PAPOLG: variants seen among roughly 807,000 people sequenced by gnomAD.
PAPOLG encodes the protein poly(A) polymerase gamma.
Under a neutral mutation model 99.0 loss-of-function variants are expected in PAPOLG, and 40 were observed. The observed-to-expected ratio is 0.40, with a 90% confidence interval of 0.31 to 0.53. The LOEUF (loss-of-function observed/expected upper bound fraction) is 0.53, where lower values mean the gene tolerates loss of function less well. PAPOLG is among the 20% of genes least tolerant of loss of function. The probability of loss-of-function intolerance (pLI) is 0.41; values close to 1 mark genes in which losing one functional copy is unlikely to be tolerated. For missense variants in PAPOLG, 675 were observed against 884.1 expected, an observed-to-expected ratio of 0.76 and a Z score of 3.00; for synonymous variants, 310 against 299.3, an observed-to-expected ratio of 1.04 and a Z score of -0.37.
At position 60,798,464 on chromosome 2, in the gene PAPOLG, AC is replaced by A. The variant is rs924084167; in HGVS notation, c.*1306del. 6.5e-6 allele frequency: 1 copy of A among 152,684 alleles called. No homozygotes were observed. The highest frequency in any genetic ancestry group is 2.4e-5 in the African/African-American group (1 of 41,394). The allele number at this position is 152,684 out of a possible 1,614,324, so 9.5% of individuals were successfully genotyped here. A position where few individuals can be genotyped will look rare whatever the true frequency, so the allele number is the denominator to read the frequency against. ...ATCTTTTCAAAGAGAAACGTTTAAA[AC>A]CTTTATTGTCTCTCCTTAGTCTAAT... On this transcript the variant is annotated 3_prime_UTR_variant, in exon 22 of 22. Transcript: ENST00000238714.
At chr2:60,777,187 G>A (rs1671045468) in intron 8 of PAPOLG, among the ~76,000 whole-genome samples, 1 of 152,166 alleles carries the variant, frequency 6.6e-6, no homozygotes, top group South Asian at 2.1e-4. Flanking sequence ...CAGGCGCAGT[G>A]GCTCACAGCT....
At chr2:60,768,259 G>A (rs113580927) in intron 3 of PAPOLG, among the ~76,000 whole-genome samples, 5 of 152,108 alleles carry the variant, frequency 3.3e-5, no homozygotes, top group East Asian at 3.8e-4. Flanking sequence ...CCACCACCAC[G>A]CCCAGCTAAC....
chr2:60,784,309 A>G (rs546336169), intron 13 of PAPOLG, among the ~76,000 whole-genome samples: 3 of 152,240 alleles, frequency 2.0e-5, no homozygotes, highest in Non-Finnish European at 4.4e-5. Flanking sequence ...ACCTCCAACA[A>G]AACTCAGTAG....
At chr2:60,758,328 G>GTTTTT (rs61243299) in intron 1 of PAPOLG, among the ~76,000 whole-genome samples, 45 of 71,340 alleles carry the variant, frequency 6.3e-4, no homozygotes, top group African/African-American at 2.3e-3. Flanking sequence ...GGTTTCTGGG[G>GTTTTT]TTTTTTTTTT....
intron 15 of PAPOLG, among the ~76,000 whole-genome samples, chr2:60,789,761 A>G (rs1671474495): frequency 6.6e-6 from 1 of 152,164 alleles, no homozygotes; most frequent in Admixed American, 6.5e-5. Flanking sequence ...GGTTTTCTGA[A>G]TTCTTTTGAA....
intron 14 of PAPOLG, 126 bp downstream of exon 14, chr2:60,787,192 G>T: frequency 1.1e-6 from 1 of 895,174 alleles, no homozygotes; most frequent in Non-Finnish European, 1.6e-6. Flanking sequence ...TTATATATTT[G>T]AGTTTGAGTG....
intron 7 of PAPOLG, among the ~76,000 whole-genome samples, chr2:60,774,128 T>A (rs1284652619): frequency 6.6e-6 from 1 of 152,028 alleles, no homozygotes; most frequent in African/African-American, 2.4e-5. Context: ...GGAGTCTCGC[T>A]CTGTCGCCCA....
chr2:60,797,240 G>C lies in PAPOLG; in HGVS notation c.*80G>C, dbSNP rs1323559368. ...GCCACTTGTTTTTTAAATAGAAGTG[G>C]CTGTCATACGTGAAATAAGGTGAAA... On this transcript the variant is annotated 3_prime_UTR_variant, in exon 22 of 22. Coordinates refer to ENST00000238714, the MANE Select transcript of PAPOLG (RefSeq NM_022894.4). The C allele has an allele frequency of 6.5e-7, 1 of 1,526,932 alleles. No individual in the cohort carries two copies. Among genetic ancestry groups the C allele is most frequent in the African/African-American group, 1.4e-5 (1 of 72,596 alleles). 94.6% of individuals were successfully genotyped at this position (1,526,932 alleles called of 1,614,324 possible). A position where few individuals can be genotyped will look rare whatever the true frequency, so the allele number is the denominator to read the frequency against.
chr2:60,759,937 G>C (rs886366148), intron 1 of PAPOLG, among the ~76,000 whole-genome samples, 197 bp from the exon 2 acceptor site: 2 of 152,102 alleles, frequency 1.3e-5, no homozygotes, highest in Non-Finnish European at 2.9e-5. Context: ...AAAGCTGCAG[G>C]CAGTATGAAT....
At chr2:60,795,083 G>A in intron 21 of PAPOLG, 63 bp downstream of exon 21, 2 of 1,385,776 alleles carry the variant, frequency 1.4e-6, no homozygotes, top group Non-Finnish European at 2.0e-6. Context: ...TAATCTACAA[G>A]TACAAAAGGC....
chr2:60,776,491 G>C lies in PAPOLG; in HGVS notation c.694+1368G>C, dbSNP rs186773477. 3.5e-5 allele frequency among the ~76,000 whole-genome samples: 5 copies of C among 143,086 alleles called. No individual in the cohort carries two copies. In the East Asian group the frequency reaches 8.2e-4, roughly 23 times the overall value. 93.9% of individuals were successfully genotyped at this position (143,086 alleles called of 152,430 possible). A position where few individuals can be genotyped will look rare whatever the true frequency, so the allele number is the denominator to read the frequency against. ...CGCCCAGGCTGGAGTGCAGTGGCGC[G>C]ATCTCAGCTCACGGCAACCACCGCC... On this transcript the variant is annotated intron_variant, in intron 8 of 21. Coordinates refer to ENST00000238714, the MANE Select transcript of PAPOLG (RefSeq NM_022894.4).
intron 3 of PAPOLG, among the ~76,000 whole-genome samples, chr2:60,766,019 ATTC>A (rs1045903817): frequency 2.0e-5 from 3 of 152,172 alleles, no homozygotes; most frequent in Non-Finnish European, 4.4e-5. Flanking sequence ...TAACCTTAAT[ATTC>A]ATTACACAGA....
At chr2:60,783,074 A>C in intron 12 of PAPOLG, 82 bp from the exon 13 acceptor site, 1 of 1,250,810 alleles carries the variant, frequency 8.0e-7, no homozygotes, top group Non-Finnish European at 1.1e-6. Flanking sequence ...AGTGAGAGGG[A>C]GGGAAAAAAG....
Position 60,792,139 on chromosome 2 carries a change from C to T in PAPOLG, c.1529C>T (p.Ser510Phe). The T allele has an allele frequency of 6.3e-7, 1 of 1,586,070 alleles. No homozygotes were observed. Among genetic ancestry groups the T allele is most frequent in the East Asian group, 2.2e-5 (1 of 44,742 alleles). ...ILQKKKKQSL[S>F]DVNRSSGGLQ... ...GTTCCCTTCTTTCAGCAAAGTCTCT[C>T]TGATGTCAATCGAAGCTCGGGCGGA... Residue 510 changes from serine to phenylalanine, a missense_variant, in exon 17 of 22, where the codon TCT becomes TTT. Ser to Phe is a radical substitution (Grantham distance 155). Coordinates refer to ENST00000238714, the MANE Select transcript of PAPOLG (RefSeq NM_022894.4).
In PAPOLG at chr2:60,799,939, G is replaced by A. The variant is rs1422734883; in HGVS notation, c.*2779G>A. The A allele has an allele frequency of 6.6e-6, 1 of 152,230 alleles. No homozygotes were observed. The highest frequency in any genetic ancestry group is 2.4e-5 in the African/African-American group (1 of 41,420). 9.4% of individuals were successfully genotyped at this position (152,230 alleles called of 1,614,324 possible). On this transcript the variant is annotated 3_prime_UTR_variant, in exon 22 of 22. Coordinates refer to ENST00000238714, the MANE Select transcript of PAPOLG (RefSeq NM_022894.4). ...CGCACCCGGCCGTGTTTGTTTTCAA[G>A]TGTGAAAAAATACCTAGAAGTATAT... is the stretch of plus-strand genomic sequence containing the variant.
chr2:60,758,810 T>C (rs904746852), intron 1 of PAPOLG, among the ~76,000 whole-genome samples: 1 of 152,172 alleles, frequency 6.6e-6, no homozygotes, highest in Admixed American at 6.6e-5. Flanking sequence ...CCAGTTAGAA[T>C]CCAAAAACAA....
intron 1 of PAPOLG, among the ~76,000 whole-genome samples, chr2:60,759,096 C>T (rs959570373): frequency 6.6e-6 from 1 of 151,898 alleles, no homozygotes; most frequent in Non-Finnish European, 1.5e-5. Context: ...TGGCTGAGCG[C>T]GGGGGCTCAC....
At chr2:60,795,739 A>G (rs556592274) in intron 21 of PAPOLG, among the ~76,000 whole-genome samples, 3 of 152,010 alleles carry the variant, frequency 2.0e-5, no homozygotes, top group Non-Finnish European at 2.9e-5. Flanking sequence ...CTTTTCATCA[A>G]CTGTTACCCT....
At position 60,797,090 on chromosome 2, in the gene PAPOLG, C is replaced by A; in HGVS notation, c.2141C>A (p.Ser714Ter). The change falls in exon 22 of 22, where the codon TCA becomes TAA. Residue 714 changes from serine to a stop codon, truncating the protein, a stop_gained. Transcript: ENST00000238714. LOFTEE classifies it high-confidence loss of function. ...CTACCCAGTAAAGAACTACCAGATT[C>A]ATCATCTCCAGTTCCAGCAAACAAC... ...KRLPSKELPD[S>*]SSPVPANNIR... 6.2e-7 allele frequency: 1 copy of A among 1,613,020 alleles called. No individual in the cohort carries two copies. The highest frequency in any genetic ancestry group is 8.5e-7 in the Non-Finnish European group (1 of 1,178,982).
Sources: gnomAD v4.1 joint callset for allele counts (sites outside exome capture counted in the v4.1 genomes callset) on GRCh38, gnomAD v4.1.1 for gene constraint, MANE v1.5 for transcripts, NCBI Gene and HGNC (gene_info 2026-07-23, HGNC 2026-07-21) for gene names.